ARHGAP24: variants seen among roughly 807,000 people sequenced by gnomAD.
ARHGAP24 encodes the protein rho GTPase-activating protein 24.
Under a neutral mutation model 76.4 loss-of-function variants are expected in ARHGAP24, and 50 were observed. The ratio of observed to expected loss-of-function variants is 0.65; its 90% confidence interval spans 0.52 to 0.83. The LOEUF (loss-of-function observed/expected upper bound fraction) is 0.83. Ranked by LOEUF, ARHGAP24 falls within the 40% of genes least tolerant of loss-of-function variation. ARHGAP24 has a pLI of 0.00. For synonymous variants in ARHGAP24, 345 were observed against 323.3 expected (o/e 1.07, Z -0.72); for missense variants, 930 against 914.2 (o/e 1.02, Z -0.22).
At chr4:85,840,024 T>G (rs1730514149) in intron 3 of ARHGAP24, among the ~76,000 whole-genome samples, 1 of 55,104 alleles carries the variant, frequency 1.8e-5, no homozygotes, top group Admixed American at 2.2e-4. Context: ...TAACTTTTTT[T>G]TTTTTTTTTT....
chr4:85,706,731 A>G (rs1724322947), intron 2 of ARHGAP24, among the ~76,000 whole-genome samples: 1 of 151,724 alleles, frequency 6.6e-6, no homozygotes, highest in African/African-American at 2.4e-5. Context: ...ATGCCCGGCT[A>G]ATTTTTGTAT....
chr4:85,658,972 T>C (rs1722281004), intron 2 of ARHGAP24, among the ~76,000 whole-genome samples: 1 of 152,194 alleles, frequency 6.6e-6, no homozygotes, highest in African/African-American at 2.4e-5. Context: ...TTATGTGGGA[T>C]GTGACAGAGA....
chr4:85,494,469 G>A (rs1287680037), intron 1 of ARHGAP24, among the ~76,000 whole-genome samples: 1 of 151,720 alleles, frequency 6.6e-6, no homozygotes, highest in Non-Finnish European at 1.5e-5. Context: ...GGTGGAACAC[G>A]AGGTCAAGAG....
intron 2 of ARHGAP24, among the ~76,000 whole-genome samples, chr4:85,613,072 A>G (rs1220913600): frequency 6.6e-6 from 1 of 152,136 alleles, no homozygotes; most frequent in Non-Finnish European, 1.5e-5. Context: ...TGCTGGGATT[A>G]CATGTGTGAG....
chr4:85,653,893 C>A (rs1722037894), intron 2 of ARHGAP24, among the ~76,000 whole-genome samples: 1 of 152,054 alleles, frequency 6.6e-6, no homozygotes, highest in East Asian at 1.9e-4. Flanking sequence ...AGAATATTTC[C>A]ATCATGGAAG....
chr4:85,839,676 C>T (rs1022089662), intron 3 of ARHGAP24, among the ~76,000 whole-genome samples: 1 of 151,840 alleles, frequency 6.6e-6, no homozygotes, highest in Admixed American at 6.6e-5. Context: ...GTCTCCATCT[C>T]CTGACCTCGT....
chr4:85,699,155 C>T (rs1165163678), intron 2 of ARHGAP24, among the ~76,000 whole-genome samples: 2 of 152,152 alleles, frequency 1.3e-5, no homozygotes, highest in African/African-American at 4.8e-5. Flanking sequence ...TGCTTTTTCC[C>T]TTACAAACAT....
At chr4:85,695,233 T>A (rs935770407) in intron 2 of ARHGAP24, among the ~76,000 whole-genome samples, 2 of 152,192 alleles carry the variant, frequency 1.3e-5, no homozygotes, top group Non-Finnish European at 2.9e-5. Flanking sequence ...ACATAAAAAA[T>A]TAAGTGATGC....
intron 3 of ARHGAP24, among the ~76,000 whole-genome samples, chr4:85,799,673 T>G (rs1406086053): frequency 6.6e-6 from 1 of 152,160 alleles, no homozygotes; most frequent in East Asian, 1.9e-4. Flanking sequence ...TTGCATAGAC[T>G]CCAAGTATCT....
At chr4:85,922,124 A>G (rs1016017027) in intron 3 of ARHGAP24, among the ~76,000 whole-genome samples, 1 of 152,196 alleles carries the variant, frequency 6.6e-6, no homozygotes, top group Admixed American at 6.5e-5. Flanking sequence ...TATTTGATAT[A>G]GTTTTTTTGA....
intron 2 of ARHGAP24, among the ~76,000 whole-genome samples, chr4:85,662,078 T>G (rs1439026721): frequency 6.6e-6 from 1 of 152,246 alleles, no homozygotes; most frequent in Admixed American, 6.5e-5. Flanking sequence ...TCTAGATCCC[T>G]GAGGAATCGC....
intron 1 of ARHGAP24, among the ~76,000 whole-genome samples, chr4:85,500,318 G>T (rs1290069431): frequency 1.3e-5 from 2 of 152,170 alleles, no homozygotes; most frequent in Non-Finnish European, 2.9e-5. Context: ...GAGAAGTCTG[G>T]TGTTCCCTGG....
At chr4:85,794,282 A>G (rs777661615) in intron 3 of ARHGAP24, among the ~76,000 whole-genome samples, 4 of 152,214 alleles carry the variant, frequency 2.6e-5, no homozygotes, top group South Asian at 2.1e-4. Flanking sequence ...TTCCATTGAA[A>G]TACTAAAGTG....
intron 3 of ARHGAP24, among the ~76,000 whole-genome samples, chr4:85,863,425 T>A (rs545871179): frequency 6.6e-6 from 1 of 152,082 alleles, no homozygotes; most frequent in African/African-American, 2.4e-5. Flanking sequence ...ATAATCTTTT[T>A]AAAAAAATCA....
intron 2 of ARHGAP24, among the ~76,000 whole-genome samples, chr4:85,666,496 G>A (rs991597103): frequency 4.6e-5 from 7 of 152,232 alleles, no homozygotes; most frequent in Admixed American, 1.3e-4. Context: ...CTCTCAACTC[G>A]TCAAAGTCAT....
chr4:85,898,418 T>C (rs879386453), intron 3 of ARHGAP24, among the ~76,000 whole-genome samples: 16 of 152,150 alleles, frequency 1.1e-4, no homozygotes, highest in Non-Finnish European at 2.1e-4. Flanking sequence ...TAGACACGTA[T>C]TTATATCCAT....
At chr4:85,667,453 A>T (rs560417709) in intron 2 of ARHGAP24, among the ~76,000 whole-genome samples, 3 of 152,266 alleles carry the variant, frequency 2.0e-5, no homozygotes, top group African/African-American at 2.4e-5. Context: ...GTGCTTCCTG[A>T]GGGAGGCAAT....
rs577623206 is a variant in ARHGAP24, at chr4:85,982,973, A to G, written c.928+5282A>G. Reference sequence around the variant, plus strand: ...GTGTGTTGTTCCCCTCCCTATGTCCATGTGTTCACATTGTTCAGCTCCCAC... The same window carrying G: ...GTGTGTTGTTCCCCTCCCTATGTCCGTGTGTTCACATTGTTCAGCTCCCAC... On this transcript the variant is annotated intron_variant, in intron 8 of 9. Transcript: ENST00000395184. Among the ~76,000 whole-genome samples, 101 of 151,832 alleles carry G rather than the reference A, an allele frequency of 6.7e-4. 3 individuals carry two copies. The highest frequency in any genetic ancestry group is 1.9e-4 in the Non-Finnish European group (13 of 67,968).
At chr4:85,890,764 A>T (rs1176597121) in intron 3 of ARHGAP24, among the ~76,000 whole-genome samples, 2 of 152,190 alleles carry the variant, frequency 1.3e-5, no homozygotes, top group African/African-American at 4.8e-5. Context: ...ACACCACTGC[A>T]ACTGGGGACC....
Sources: gnomAD v4.1 joint callset for allele counts (sites outside exome capture counted in the v4.1 genomes callset) on GRCh38, gnomAD v4.1.1 for gene constraint, MANE v1.5 for transcripts, NCBI Gene and HGNC (gene_info 2026-07-23, HGNC 2026-07-21) for gene names.